The following BRCA2 variants were observed in gnomAD, a reference collection of about 807,000 sequenced individuals.
BRCA2 encodes breast cancer type 2 susceptibility protein.
BRCA2 carries 203 observed loss-of-function variants against 276.7 expected under a neutral mutation model. That is an observed-to-expected ratio of 0.73 (90% CI 0.65 to 0.82). The LOEUF (loss-of-function observed/expected upper bound fraction) is 0.82, where lower values mean the gene tolerates loss of function less well. Among genes scored for constraint, BRCA2 ranks in the 40% least tolerant of loss-of-function variants. The probability of loss-of-function intolerance (pLI) is 0.00; values close to 1 mark genes in which losing one functional copy is unlikely to be tolerated. For synonymous variants in BRCA2, 1,289 were observed against 1,338.4 expected (o/e 0.96, Z 0.81); for missense variants, 3,920 against 3,915.0 (o/e 1.00, Z -0.03).
At position 32,379,929 on chromosome 13, in the gene BRCA2, T is replaced by G. The variant is rs780689895; in HGVS notation, c.9117+16T>G. On this transcript the variant is annotated intron_variant, in intron 23 of 26. Transcript: ENST00000380152. ...ACAACTACCGGTACAAACCTTTCAT[T>G]GTAATTTTTCAGTTTTGATAAGTGC... The G allele has an allele frequency of 2.5e-6, 4 of 1,613,114 alleles. No individual in the cohort carries two copies. The South Asian group carries it at 4.4e-5, about 18-fold the overall frequency.
At chr13:32,361,883 G>A (rs1484479479) in intron 16 of BRCA2, among the ~76,000 whole-genome samples, 1 of 152,026 alleles carries the variant, frequency 6.6e-6, no homozygotes, top group Non-Finnish European at 1.5e-5. Flanking sequence ...ACTAAGAAAG[G>A]CAGTTCTCAG....
chr13:32,388,786 T>C (rs1323073586), intron 24 of BRCA2, among the ~76,000 whole-genome samples: 2 of 152,142 alleles, frequency 1.3e-5, no homozygotes, highest in Non-Finnish European at 2.9e-5. Context: ...TTAATCTACC[T>C]TTGTCGAATT....
chr13:32,390,979 A>G lies in BRCA2; in HGVS notation c.9257-3710A>G, dbSNP rs536308383. 2.1e-4 allele frequency among the ~76,000 whole-genome samples: 32 copies of G among 152,282 alleles called. 1 individual carries two copies. The highest frequency in any genetic ancestry group is 1.8e-3 in the Admixed American group (27 of 15,296). ...GTTAAGTAGCCTGCTCAGGGTCACA[A>G]TGCTATAAATTGATTTGAACTTATA... On this transcript the variant is annotated intron_variant, in intron 24 of 26. Transcript: ENST00000380152.
Position 32,399,435 on chromosome 13 carries a change from T to G in BRCA2, c.*665T>G, listed in dbSNP as rs1264792611. Reference sequence around the variant, plus strand: ...CAGGATGAATATGAAGAGTGGTGTTTCCTTTTGAGCAATTCTTCATCCTTA... The same window carrying G: ...CAGGATGAATATGAAGAGTGGTGTTGCCTTTTGAGCAATTCTTCATCCTTA... On this transcript the variant is annotated 3_prime_UTR_variant, in exon 27 of 27. Transcript: ENST00000380152. 1 of 188,372 alleles carries G rather than the reference T, an allele frequency of 5.3e-6. No individual in the cohort carries two copies. Among genetic ancestry groups the G allele is most frequent in the Non-Finnish European group, 1.1e-5 (1 of 89,402 alleles). The allele number at this position is 188,372 out of a possible 1,614,324, so 11.7% of individuals were successfully genotyped here. A position where few individuals can be genotyped will look rare whatever the true frequency, so the allele number is the denominator to read the frequency against.
At position 32,370,558 on chromosome 13, in the gene BRCA2, G is replaced by C. The variant is rs81002798; in HGVS notation, c.8487+1G>C. On this transcript the variant is annotated splice_donor_variant, in intron 19 of 26. Coordinates refer to ENST00000380152, the MANE Select transcript of BRCA2 (RefSeq NM_000059.4). LOFTEE classifies it high-confidence loss of function. ...TATTCAAAGAGCATACCCTATACAG[G>C]TATGATGTATTCTTGAAACTTACCA... 6.2e-7 allele frequency: 1 copy of C among 1,609,642 alleles called. No individual in the cohort carries two copies. The highest frequency in any genetic ancestry group is 8.5e-7 in the Non-Finnish European group (1 of 1,175,992).
chr13:32,363,504 C>T lies in BRCA2; in HGVS notation c.8302C>T (p.Leu2768Phe). The change falls in exon 18 of 27, where the codon CTT becomes TTT. Residue 2768 changes from leucine to phenylalanine, a missense_variant. Leu to Phe is a conservative substitution (Grantham distance 22, BLOSUM62 0). Coordinates refer to ENST00000380152, the MANE Select transcript of BRCA2 (RefSeq NM_000059.4). ...GGGCTCTCCTGATGCCTGTACACCT[C>T]TTGAAGCCCCAGAATCTCTTATGTT... is the stretch of plus-strand genomic sequence containing the variant. ...LVGSPDACTP[L>F]EAPESLMLKI... 1 of 1,613,928 alleles carries T rather than the reference C, an allele frequency of 6.2e-7. No individual in the cohort carries two copies. The highest frequency in any genetic ancestry group is 8.5e-7 in the Non-Finnish European group (1 of 1,179,896).
chr13:32,338,654 GA>G lies in BRCA2; in HGVS notation c.4304del (p.Asn1435IlefsTer13), dbSNP rs886040520. Reference sequence around the variant, plus strand: ...ATACATTTTTTCAGACTGCAAGTGGGAAAAATATTAGTGTCGCCAAAGAGTC... The same window carrying G: ...ATACATTTTTTCAGACTGCAAGTGGGAAAATATTAGTGTCGCCAAAGAGTC... ...SDTFFQTASGKNISVAKESFN... is the reference protein window; with the variant it reads ...SDTFFQTASGXNISVAKESFN... On this transcript the variant is annotated frameshift_variant, in exon 11 of 27. Coordinates refer to ENST00000380152, the MANE Select transcript of BRCA2 (RefSeq NM_000059.4). LOFTEE classifies it high-confidence loss of function. 3 of 1,597,118 alleles carry G rather than the reference GA, an allele frequency of 1.9e-6. No individual in the cohort carries two copies. The highest frequency in any genetic ancestry group is 2.6e-6 in the Non-Finnish European group (3 of 1,169,312).
Position 32,333,365 on chromosome 13 carries a change from T to TA in BRCA2, c.1888dup (p.Thr630AsnfsTer6), listed in dbSNP as rs80359314. On this transcript the variant is annotated frameshift_variant, in exon 10 of 27. Transcript: ENST00000380152. LOFTEE classifies it high-confidence loss of function. ...AAGCAAATGCTTTTGAAGCACCACT[T>TA]ACATTTGCAAATGCTGATTCAGGTA... 1 of 1,609,506 alleles carries TA rather than the reference T, an allele frequency of 6.2e-7. No homozygotes were observed. Among genetic ancestry groups the TA allele is most frequent in the Non-Finnish European group, 8.5e-7 (1 of 1,179,180 alleles).
intron 3 of BRCA2, among the ~76,000 whole-genome samples, chr13:32,319,684 C>T (rs1054445114): frequency 2.6e-5 from 4 of 152,224 alleles, no homozygotes; most frequent in African/African-American, 4.8e-5. Flanking sequence ...ATTATTTTAC[C>T]GATATACTAT....
chr13:32,330,857 A>C (rs2072383699), intron 8 of BRCA2, 62 bp from the exon 9 acceptor site: 1 of 959,048 alleles, frequency 1.0e-6, no homozygotes, highest in Non-Finnish European at 1.6e-6. Context: ...ATAAGGGGGG[A>C]CTACTACTAT....
intron 18 of BRCA2, 140 bp from the exon 19 acceptor site, chr13:32,370,262 C>A: frequency 1.3e-6 from 1 of 747,830 alleles, no homozygotes; most frequent in Non-Finnish European, 2.2e-6. Flanking sequence ...TACTTATTTA[C>A]TGTCTTACTA....
At chr13:32,352,213 G>C (rs890230103) in intron 13 of BRCA2, among the ~76,000 whole-genome samples, 2 of 151,780 alleles carry the variant, frequency 1.3e-5, no homozygotes, top group African/African-American at 4.8e-5. Context: ...AAAGCCAGGT[G>C]ATTTTTTTTT....
chr13:32,345,713 C>T (rs967576431), intron 12 of BRCA2, among the ~76,000 whole-genome samples: 9 of 151,798 alleles, frequency 5.9e-5, no homozygotes, highest in African/African-American at 1.7e-4. Context: ...AGTCTAAACA[C>T]GAAATTTATT....
Position 32,362,620 on chromosome 13 carries a change from G to C in BRCA2, c.7903G>C (p.Glu2635Gln), listed in dbSNP as rs2137577279. Reference sequence around the variant, plus strand: ...GATCATATGGAAACTGGCAGCTATGGAATGTGCCTTTCCTAAGGAATTTGC... The same window carrying C: ...GATCATATGGAAACTGGCAGCTATGCAATGTGCCTTTCCTAAGGAATTTGC... ...RWIIWKLAAM[E>Q]CAFPKEFANR... The change falls in exon 17 of 27, where the codon GAA (glutamate) becomes CAA (glutamine). Residue 2635 changes from glutamate to glutamine, a missense_variant. By Grantham distance (29) the Glu-to-Gln change is conservative. Around this residue, in one of 2 missense-constraint regions of BRCA2, gnomAD observed 3,263 missense variants for 3,156.9 expected, o/e 1.03. Transcript: ENST00000380152. The C allele has an allele frequency of 6.2e-7, 1 of 1,614,166 alleles. No individual in the cohort carries two copies. Among genetic ancestry groups the C allele is most frequent in the South Asian group, 1.1e-5 (1 of 91,084 alleles).
At chr13:32,343,871 C>T (rs1593911621) in intron 11 of BRCA2, among the ~76,000 whole-genome samples, 1 of 152,052 alleles carries the variant, frequency 6.6e-6, no homozygotes, top group East Asian at 1.9e-4. Flanking sequence ...AATAATCTAA[C>T]ACCTCCTAAA....
At chr13:32,362,785 A>G (rs2072750129) in intron 17 of BRCA2, 92 bp downstream of exon 17, 7 of 1,421,742 alleles carry the variant, frequency 4.9e-6, no homozygotes, top group African/African-American at 1.4e-5. Context: ...AATGTTGCAC[A>G]AGCCAGTTGT....
rs397507571 is a variant in BRCA2 at position 32,316,470 on chromosome 13, G to A, written c.10G>A (p.Gly4Arg). 1 of 1,613,868 alleles carries A rather than the reference G, an allele frequency of 6.2e-7. No individual in the cohort carries two copies. Among genetic ancestry groups the A allele is most frequent in the African/African-American group, 1.3e-5 (1 of 75,002 alleles). Residue 4 changes from glycine to arginine, a missense_variant, in exon 2 of 27, where the codon GGA (glycine) becomes AGA (arginine). By Grantham distance (125) the Gly-to-Arg change is moderately radical. Coordinates refer to ENST00000380152, the MANE Select transcript of BRCA2 (RefSeq NM_000059.4). Reference sequence around the variant, plus strand: ...AATATCGTAGGTAAAAATGCCTATTGGATCCAAAGAGAGGCCAACATTTTT... The same window carrying A: ...AATATCGTAGGTAAAAATGCCTATTAGATCCAAAGAGAGGCCAACATTTTT... MPI[G>R]SKERPTFFEI...
At chr13:32,349,794 G>A (rs1351067559) in intron 13 of BRCA2, among the ~76,000 whole-genome samples, 1 of 128,788 alleles carries the variant, frequency 7.8e-6, no homozygotes, top group Non-Finnish European at 1.6e-5. Context: ...CAGCCTGGAC[G>A]ACAGAGCAAG....
At chr13:32,315,927 A>C (rs2072253468) in intron 1 of BRCA2, among the ~76,000 whole-genome samples, 2 of 152,180 alleles carry the variant, frequency 1.3e-5, no homozygotes, top group South Asian at 4.2e-4. Flanking sequence ...CTCAAGACTT[A>C]ACTTCCCTCC....
Sources: allele counts gnomAD v4.1 joint callset (sites outside exome capture counted in the v4.1 genomes callset), GRCh38; gene constraint gnomAD v4.1.1; regional missense constraint gnomAD v4.1.1; transcripts MANE v1.5; gene names NCBI Gene and HGNC (gene_info 2026-07-23, HGNC 2026-07-21).